Variants in JPH3 observed in about 807,000 individuals in gnomAD.
The protein encoded by JPH3 is junctophilin 3.
In JPH3, 11 loss-of-function variants were observed where a neutral mutation model predicts 59.6. The ratio of observed to expected loss-of-function variants is 0.18; its 90% CI spans 0.12 to 0.31. The LOEUF is 0.31. Among genes scored for constraint, JPH3 ranks in the 10% least tolerant of loss-of-function variants. The pLI is 1.00. For missense variants in JPH3, 1,202 were observed against 1,105.7 expected, an observed-to-expected ratio of 1.09 and a Z score of -1.24; for synonymous variants, 673 against 483.6, an observed-to-expected ratio of 1.39 and a Z score of -5.14.
intron 1 of JPH3, among the ~76,000 whole-genome samples, chr16:87,626,288 G>C (rs1013611746): frequency 4.6e-5 from 7 of 152,138 alleles, no homozygotes; most frequent in African/African-American, 1.7e-4. Flanking sequence ...ACTACCCCAG[G>C]CCGCACAGTT....
chr16:87,642,862 C>T (rs1469829958), intron 1 of JPH3, among the ~76,000 whole-genome samples: 1 of 152,246 alleles, frequency 6.6e-6, no homozygotes, highest in Non-Finnish European at 1.5e-5. Flanking sequence ...CCCAGGTCTG[C>T]TGACCGGGTT....
chr16:87,645,211 G>A (rs1224593952), intron 2 of JPH3, among the ~76,000 whole-genome samples, 176 bp downstream of exon 2: 1 of 152,242 alleles, frequency 6.6e-6, no homozygotes, highest in African/African-American at 2.4e-5. Flanking sequence ...GGTTCTCAGA[G>A]GTGACTGTGG....
At chr16:87,615,238 C>A (rs930123771) in intron 1 of JPH3, among the ~76,000 whole-genome samples, 3 of 152,164 alleles carry the variant, frequency 2.0e-5, no homozygotes, top group African/African-American at 7.2e-5. Flanking sequence ...CTCAGTTTGC[C>A]CAGTGAGTAG....
chr16:87,663,593 G>A (rs1268379590), intron 2 of JPH3, among the ~76,000 whole-genome samples: 3 of 152,114 alleles, frequency 2.0e-5, no homozygotes, highest in Non-Finnish European at 4.4e-5. Flanking sequence ...GCCCCCAGCT[G>A]GCCTGATGCA....
chr16:87,622,978 C>G (rs1024436916), intron 1 of JPH3, among the ~76,000 whole-genome samples: 8 of 152,114 alleles, frequency 5.3e-5, no homozygotes, highest in African/African-American at 1.9e-4. Context: ...CTGGGTCCCA[C>G]AGGGGGGTAA....
intron 2 of JPH3, among the ~76,000 whole-genome samples, chr16:87,652,076 G>A (rs957396124): frequency 7.2e-5 from 11 of 151,736 alleles, no homozygotes; most frequent in African/African-American, 1.2e-4. Context: ...CCAGGTTCAC[G>A]CCATTCTCCT....
intron 2 of JPH3, among the ~76,000 whole-genome samples, chr16:87,664,446 G>A (rs961567298): frequency 1.3e-5 from 2 of 150,690 alleles, no homozygotes; most frequent in Non-Finnish European, 3.0e-5. Flanking sequence ...CCAACATGGT[G>A]AAACCCTGTC....
intron 1 of JPH3, among the ~76,000 whole-genome samples, chr16:87,615,916 G>A (rs2150825639): frequency 6.6e-6 from 1 of 152,316 alleles, no homozygotes; most frequent in South Asian, 2.1e-4. Flanking sequence ...ATGGGTCAAT[G>A]AGTGGTCAAT....
At chr16:87,613,060 T>C (rs1221056495) in intron 1 of JPH3, among the ~76,000 whole-genome samples, 1 of 150,344 alleles carries the variant, frequency 6.7e-6, no homozygotes, top group Non-Finnish European at 1.5e-5. Flanking sequence ...AGACTAGAAA[T>C]TTTCCAAGCA....
intron 2 of JPH3, among the ~76,000 whole-genome samples, chr16:87,680,574 G>A (rs1472169580): frequency 6.6e-6 from 1 of 152,230 alleles, no homozygotes; most frequent in Non-Finnish European, 1.5e-5. Flanking sequence ...GTGACTAGGT[G>A]GAGGCACTAC....
intron 1 of JPH3, among the ~76,000 whole-genome samples, chr16:87,629,265 C>T (rs918092630): frequency 2.6e-5 from 4 of 152,112 alleles, no homozygotes; most frequent in Non-Finnish European, 5.9e-5. Context: ...GCTACTGCTG[C>T]GGTGGCTCAT....
intron 1 of JPH3, among the ~76,000 whole-genome samples, chr16:87,630,708 T>C (rs1398528737): frequency 1.3e-5 from 2 of 152,170 alleles, no homozygotes; most frequent in Non-Finnish European, 2.9e-5. Flanking sequence ...GGAGCAAAAA[T>C]CATGTGTGTC....
intron 2 of JPH3, among the ~76,000 whole-genome samples, chr16:87,653,153 G>C (rs2032380677): frequency 6.6e-6 from 1 of 152,186 alleles, no homozygotes; most frequent in Admixed American, 6.5e-5. Flanking sequence ...CTGGGCTCAG[G>C]GATCCTTGTT....
chr16:87,693,188 T>C (rs1004585764), intron 4 of JPH3, among the ~76,000 whole-genome samples: 1 of 152,228 alleles, frequency 6.6e-6, no homozygotes, highest in African/African-American at 2.4e-5. Context: ...TCCACTTCCA[T>C]CTGCGCCTCA....
intron 2 of JPH3, among the ~76,000 whole-genome samples, chr16:87,662,171 G>C (rs1261311097): frequency 1.1e-4 from 16 of 152,184 alleles, no homozygotes; most frequent in Non-Finnish European, 4.4e-5. Context: ...ACATCCCGAA[G>C]CGCCGGTCCC....
intron 1 of JPH3, among the ~76,000 whole-genome samples, chr16:87,627,146 A>T (rs1383226267): frequency 6.6e-6 from 1 of 152,204 alleles, no homozygotes; most frequent in Non-Finnish European, 1.5e-5. Flanking sequence ...AAAGTTCTCC[A>T]GGTGATTCCA....
intron 1 of JPH3, among the ~76,000 whole-genome samples, chr16:87,628,254 TC>T (rs1281814582): frequency 6.6e-6 from 1 of 152,158 alleles, no homozygotes; most frequent in Non-Finnish European, 1.5e-5. Context: ...CATGGGCGGG[TC>T]AGAAGGAGCA....
chr16:87,631,764 T>C (rs1191571448), intron 1 of JPH3, among the ~76,000 whole-genome samples: 2 of 152,216 alleles, frequency 1.3e-5, no homozygotes, highest in Non-Finnish European at 2.9e-5. Context: ...ACCTACCTCT[T>C]TTTTTGATCT....
chr16:87,631,948 T>C (rs149545823), intron 1 of JPH3, among the ~76,000 whole-genome samples: 2 of 152,234 alleles, frequency 1.3e-5, no homozygotes, highest in African/African-American at 4.8e-5. Flanking sequence ...GGTCCCTCGA[T>C]GTCTTCTCCC....
Sources: gnomAD v4.1 joint callset for allele counts (sites outside exome capture counted in the v4.1 genomes callset) on GRCh38, gnomAD v4.1.1 for gene constraint, MANE v1.5 for transcripts, NCBI Gene and HGNC (gene_info 2026-07-23, HGNC 2026-07-21) for gene names.